The following TRIP12 variants were observed in gnomAD, a reference collection of about 807,000 sequenced individuals.
TRIP12 encodes the protein E3 ubiquitin-protein ligase TRIP12.
A neutral mutation model predicts 244.2 loss-of-function variants in TRIP12; 25 were observed. That is an observed-to-expected ratio of 0.10 (90% CI 0.07 to 0.14). The LOEUF (loss-of-function observed/expected upper bound fraction) is 0.14. TRIP12 is among the 10% of genes least tolerant of loss of function. TRIP12 has a pLI of 1.00. For missense variants in TRIP12, 1,677 were observed against 2,486.4 expected, an observed-to-expected ratio of 0.67 and a Z score of 6.92; for synonymous variants, 905 against 873.1, an observed-to-expected ratio of 1.04 and a Z score of -0.64.
chr2:229,891,285 G>T (rs553523698), intron 1 of TRIP12, among the ~76,000 whole-genome samples: 1 of 152,188 alleles, frequency 6.6e-6, no homozygotes, highest in East Asian at 1.9e-4. Flanking sequence ...AGCCTGGCGT[G>T]GTGGTGGTGC....
At chr2:229,768,466 G>A in intron 41 of TRIP12, 150 bp downstream of exon 41, 1 of 644,934 alleles carries the variant, frequency 1.6e-6, no homozygotes, top group Non-Finnish European at 2.6e-6. Flanking sequence ...GGATTTCCCT[G>A]CTAGTGGTCT....
At chr2:229,913,810 T>C (rs543685506) in intron 1 of TRIP12, among the ~76,000 whole-genome samples, 2 of 152,244 alleles carry the variant, frequency 1.3e-5, no homozygotes, top group East Asian at 3.9e-4. Flanking sequence ...ATCTCTACCT[T>C]GAAGAGGCCA....
rs1166300444 is a variant in TRIP12, at chr2:229,830,843, G to A, written c.1271-4C>T. 5 of 1,613,958 alleles carry A rather than the reference G, an allele frequency of 3.1e-6. No homozygotes were observed. Among genetic ancestry groups the A allele is most frequent in the Admixed American group, 3.3e-5 (2 of 59,998 alleles). On this transcript the variant is annotated splice_region_variant and splice_polypyrimidine_tract_variant and intron_variant, in intron 6 of 41. Coordinates refer to ENST00000675903, the MANE Select transcript of TRIP12 (RefSeq NM_001348323.3). ...GCCCCTGCAACAGAACTAGAGGCTTGGGGTGGAGGGGAAAGATGAGGGTTA... is the reference window on the plus strand; with the variant it reads ...GCCCCTGCAACAGAACTAGAGGCTTAGGGTGGAGGGGAAAGATGAGGGTTA...
intron 1 of TRIP12, among the ~76,000 whole-genome samples, chr2:229,883,799 T>C (rs186966613): frequency 1.1e-3 from 167 of 152,358 alleles, no homozygotes; most frequent in Middle Eastern, 6.8e-3. Flanking sequence ...TTAAATGACT[T>C]TTCATTTTAT....
chr2:229,824,843 T>C (rs1244799226), intron 8 of TRIP12, among the ~76,000 whole-genome samples: 1 of 152,092 alleles, frequency 6.6e-6, no homozygotes, highest in Non-Finnish European at 1.5e-5. Context: ...GCAGGGAAAA[T>C]GGAAAGCAAA....
At chr2:229,775,020 A>T (rs1017471809) in intron 37 of TRIP12, among the ~76,000 whole-genome samples, 1 of 152,222 alleles carries the variant, frequency 6.6e-6, no homozygotes, top group Non-Finnish European at 1.5e-5. Flanking sequence ...AAAACTGAAG[A>T]CAACAAGTTA....
intron 2 of TRIP12, among the ~76,000 whole-genome samples, chr2:229,865,445 GAATTT>G (rs1384504578): frequency 6.6e-6 from 1 of 151,490 alleles, no homozygotes; most frequent in Non-Finnish European, 1.5e-5. Context: ...TACACTGCCT[GAATTT>G]AATTTTTATG....
chr2:229,897,787 G>C (rs1324121906), intron 1 of TRIP12, among the ~76,000 whole-genome samples: 2 of 152,230 alleles, frequency 1.3e-5, no homozygotes, highest in Non-Finnish European at 2.9e-5. Context: ...GCCTCTGCAA[G>C]TGGGTACTTA....
Position 229,859,412 on chromosome 2 carries a change from G to A in TRIP12, c.387C>T (p.Ser129=). ...GAAGTGCTTTTGGTTTTTTTGCAGA[G>A]CTAGGAGAATTGGTCCTGTTGTAGT... ...SPDYNRTNSP[S]SAKKPKALQH... is the part of the protein sequence containing the mutation. Residue 129 remains serine (S), a synonymous_variant, in exon 4 of 42, where the codon AGC becomes AGT. Coordinates refer to ENST00000675903, the MANE Select transcript of TRIP12 (RefSeq NM_001348323.3). 1 of 1,614,148 alleles carries A rather than the reference G, an allele frequency of 6.2e-7. No individual in the cohort carries two copies. Among genetic ancestry groups the A allele is most frequent in the Non-Finnish European group, 8.5e-7 (1 of 1,180,024 alleles).
intron 1 of TRIP12, among the ~76,000 whole-genome samples, chr2:229,910,826 T>C (rs1422885401): frequency 1.3e-5 from 2 of 152,222 alleles, no homozygotes; most frequent in Admixed American, 1.3e-4. Context: ...GAAAGGATTT[T>C]GAGGCCAGAA....
Position 229,801,975 on chromosome 2 carries a change from A to G in TRIP12, c.3206+277T>C, listed in dbSNP as rs184749926. ...CACAATGTTAGAGCCTACAAGTAAC[A>G]TAAGTGTGTAACACCGTGCAAGTCA... On this transcript the variant is annotated intron_variant, in intron 21 of 41. Coordinates refer to ENST00000675903, the MANE Select transcript of TRIP12 (RefSeq NM_001348323.3). Among the ~76,000 whole-genome samples the G allele has an allele frequency of 9.0e-4, 137 of 152,354 alleles. 1 individual carries two copies. The highest frequency in any genetic ancestry group is 3.0e-3 in the African/African-American group (124 of 41,586).
chr2:229,818,531 T>C lies in TRIP12; in HGVS notation c.1451-19A>G. ...TTAGAACCTTTAGAGAAAAAAATAA[T>C]TATTATCTTTAAACATTTAAGAAAA... On this transcript the variant is annotated intron_variant, in intron 8 of 41. Transcript: ENST00000675903. The C allele has an allele frequency of 6.2e-7, 1 of 1,605,422 alleles. No homozygotes were observed. The highest frequency in any genetic ancestry group is 8.5e-7 in the Non-Finnish European group (1 of 1,175,746).
At chr2:229,839,961 T>C (rs956338989) in intron 5 of TRIP12, among the ~76,000 whole-genome samples, 1 of 152,220 alleles carries the variant, frequency 6.6e-6, no homozygotes, top group Non-Finnish European at 1.5e-5. Context: ...ACATAATAAC[T>C]ACACCTTTTC....
intron 33 of TRIP12, among the ~76,000 whole-genome samples, chr2:229,786,341 A>C (rs983501079): frequency 6.6e-6 from 1 of 151,834 alleles, no homozygotes; most frequent in African/African-American, 2.4e-5. Flanking sequence ...CTAGATTTCT[A>C]ATTTATGCCA....
chr2:229,790,755 T>C (rs1250025375), intron 30 of TRIP12, among the ~76,000 whole-genome samples: 3 of 152,222 alleles, frequency 2.0e-5, no homozygotes, highest in African/African-American at 4.8e-5. Flanking sequence ...ATTGTACTAC[T>C]GTCATGGGTG....
chr2:229,883,850 G>GAAACAA (rs1280503228), intron 1 of TRIP12, among the ~76,000 whole-genome samples: 7 of 152,040 alleles, frequency 4.6e-5, no homozygotes, highest in Non-Finnish European at 1.0e-4. Context: ...ACCACATAGA[G>GAAACAA]AAACAAAAAC....
chr2:229,794,344 A>G (rs537455108), intron 26 of TRIP12, among the ~76,000 whole-genome samples: 72 of 152,276 alleles, frequency 4.7e-4, no homozygotes, highest in Non-Finnish European at 7.9e-4. Flanking sequence ...AGGCAGGAGG[A>G]TCACTTGGGC....
intron 4 of TRIP12, among the ~76,000 whole-genome samples, chr2:229,850,810 G>A (rs1031912721): frequency 2.6e-5 from 4 of 152,244 alleles, no homozygotes; most frequent in African/African-American, 9.6e-5. Flanking sequence ...CCCACACTCG[G>A]AGGAGCAGCC....
rs113878141 is a variant in TRIP12 at position 229,802,842 on chromosome 2, G to C, written c.2999-383C>G. Among the ~76,000 whole-genome samples the C allele has an allele frequency of 3.1e-4, 47 of 152,088 alleles. 1 individual carries two copies. Among genetic ancestry groups the C allele is most frequent in the African/African-American group, 9.9e-4 (41 of 41,480 alleles). Reference sequence around the variant, plus strand: ...AAGGGATGGAAAAGACCAAGAATCAGTTAACTTCAAGCGCTACAAAAAGAC... The same window carrying C: ...AAGGGATGGAAAAGACCAAGAATCACTTAACTTCAAGCGCTACAAAAAGAC... On this transcript the variant is annotated intron_variant, in intron 20 of 41. Coordinates refer to ENST00000675903, the MANE Select transcript of TRIP12 (RefSeq NM_001348323.3).
Sources: gnomAD v4.1 joint callset for allele counts (sites outside exome capture counted in the v4.1 genomes callset) on GRCh38, gnomAD v4.1.1 for gene constraint, MANE v1.5 for transcripts, NCBI Gene and HGNC (gene_info 2026-07-23, HGNC 2026-07-21) for gene names.